The following MKRN1 variants were observed in gnomAD, a reference collection of about 807,000 sequenced individuals.
The protein encoded by MKRN1 is E3 ubiquitin-protein ligase makorin-1.
In MKRN1, 9 loss-of-function variants were observed where a neutral mutation model predicts 55.5. That is an observed-to-expected ratio of 0.16 (90% CI 0.10 to 0.28). The LOEUF (loss-of-function observed/expected upper bound fraction) is 0.28, where lower values mean the gene tolerates loss of function less well. MKRN1 is among the 10% of genes least tolerant of loss of function. The pLI is 1.00. For missense variants in MKRN1, 488 were observed against 626.7 expected, an observed-to-expected ratio of 0.78 and a Z score of 2.36; for synonymous variants, 253 against 235.9, an observed-to-expected ratio of 1.07 and a Z score of -0.66.
intron 1 of MKRN1, among the ~76,000 whole-genome samples, chr7:140,473,015 G>T (rs991992972): frequency 3.3e-5 from 5 of 151,510 alleles, no homozygotes; most frequent in African/African-American, 1.2e-4. Flanking sequence ...TACTCGGGAG[G>T]CTGAGGCAGG....
Position 140,479,155 on chromosome 7 carries a change from C to A in MKRN1, c.185+5G>T. ...CGCCCGGCGCTCCGCCGCGCAACGT[C>A]CTACCTGCAGGTGACCTGTTTAGTC... On this transcript the variant is annotated splice_donor_5th_base_variant and intron_variant, in intron 1 of 7. Transcript: ENST00000255977. 1 of 1,384,154 alleles carries A rather than the reference C, an allele frequency of 7.2e-7. No individual in the cohort carries two copies. Among genetic ancestry groups the A allele is most frequent in the Non-Finnish European group, 9.3e-7 (1 of 1,070,504 alleles). The allele number at this position is 1,384,154 out of a possible 1,614,324, so 85.7% of individuals were successfully genotyped here.
chr7:140,462,622 G>A (rs1332920792), intron 2 of MKRN1, among the ~76,000 whole-genome samples: 1 of 151,388 alleles, frequency 6.6e-6, no homozygotes, highest in African/African-American at 2.4e-5. Flanking sequence ...TGAGCTCAGG[G>A]GTTAGAGACA....
Position 140,453,551 on chromosome 7 carries a change from CT to C in MKRN1, c.*965del, listed in dbSNP as rs1341769359. On this transcript the variant is annotated 3_prime_UTR_variant, in exon 8 of 8. Coordinates refer to ENST00000255977, the MANE Select transcript of MKRN1 (RefSeq NM_013446.4). ...CTAGATCGTAAAACATTAAATACAA[CT>C]GTGTATCCAAGACCCAGTTTGTGTT... 3 of 152,620 alleles carry C rather than the reference CT, an allele frequency of 2.0e-5. No individual in the cohort carries two copies. Among genetic ancestry groups the C allele is most frequent in the Non-Finnish European group, 2.9e-5 (2 of 68,038 alleles). The allele number at this position is 152,620 out of a possible 1,614,324, so 9.5% of individuals were successfully genotyped here.
intron 1 of MKRN1, among the ~76,000 whole-genome samples, chr7:140,474,714 CTTCT>C (rs1398740817): frequency 8.3e-5 from 12 of 144,106 alleles, no homozygotes; most frequent in East Asian, 5.9e-4. Flanking sequence ...GAAGGATTTC[CTTCT>C]TTCTTTTTTT....
Position 140,459,973 on chromosome 7 carries a change from G to A in MKRN1, c.315-37C>T, listed in dbSNP as rs188671896. On this transcript the variant is annotated intron_variant, in intron 2 of 7. Coordinates refer to ENST00000255977, the MANE Select transcript of MKRN1 (RefSeq NM_013446.4). ...TTCAAAAGTAAGCAGTCGGCCAGTC[G>A]TGGTGGCTCAAGCCTGTAATCCCAA... 1.2e-5 allele frequency: 18 copies of A among 1,557,916 alleles called. No individual in the cohort carries two copies. The South Asian group carries it at 1.3e-4, about 12-fold the overall frequency.
intron 2 of MKRN1, among the ~76,000 whole-genome samples, chr7:140,464,431 C>A (rs969931831): frequency 4.0e-5 from 6 of 151,642 alleles, no homozygotes; most frequent in Non-Finnish European, 8.8e-5. Flanking sequence ...AAGCCAGGCA[C>A]GGTGGCTCAC....
chr7:140,477,705 G>T (rs982699922), intron 1 of MKRN1, among the ~76,000 whole-genome samples: 1 of 152,128 alleles, frequency 6.6e-6, no homozygotes, highest in African/African-American at 2.4e-5. Flanking sequence ...CGATCCGCCC[G>T]CCTCAGCCTC....
At position 140,471,984 on chromosome 7, in the gene MKRN1, T is replaced by C. The variant is rs142729794; in HGVS notation, c.213A>G (p.Glu71=). The change falls in exon 2 of 8, where the codon GAA becomes GAG. Residue 71 remains glutamate (E), a synonymous_variant. Coordinates refer to ENST00000255977, the MANE Select transcript of MKRN1 (RefSeq NM_013446.4). ...CATGCGAGTAGCGACAGTTGTCTCCTTCCTTACAAACCCCATGCATAAAAT... is the reference window on the plus strand; with the variant it reads ...CATGCGAGTAGCGACAGTTGTCTCCCTCCTTACAAACCCCATGCATAAAAT... The part of the protein sequence containing the change: ...CRYFMHGVCK[E]GDNCRYSHDL... The C allele has an allele frequency of 1.2e-6, 2 of 1,614,034 alleles. No individual in the cohort carries two copies. Among genetic ancestry groups the C allele is most frequent in the African/African-American group, 1.3e-5 (1 of 74,930 alleles).
chr7:140,472,679 C>T (rs770070817), intron 1 of MKRN1, among the ~76,000 whole-genome samples: 35 of 151,494 alleles, frequency 2.3e-4, no homozygotes, highest in Non-Finnish European at 3.1e-4. Flanking sequence ...TGAGCCACTG[C>T]GCCTGGCCCT....
intron 2 of MKRN1, among the ~76,000 whole-genome samples, chr7:140,467,593 G>C (rs1208045252): frequency 6.6e-6 from 1 of 152,100 alleles, no homozygotes; most frequent in Non-Finnish European, 1.5e-5. Context: ...TCAACTTGGA[G>C]CCATCTGCAT....
At chr7:140,470,132 A>G (rs1794882871) in intron 2 of MKRN1, among the ~76,000 whole-genome samples, 1 of 151,282 alleles carries the variant, frequency 6.6e-6, no homozygotes, top group Non-Finnish European at 1.5e-5. Context: ...AAGGCAGGAG[A>G]ATCTCTCGAA....
chr7:140,462,344 T>C (rs1364792879), intron 2 of MKRN1, among the ~76,000 whole-genome samples: 1 of 152,242 alleles, frequency 6.6e-6, no homozygotes. Context: ...TCAGATGCTA[T>C]GTATTAATTA....
Position 140,468,359 on chromosome 7 carries a change from G to C in MKRN1, c.314+3524C>G, listed in dbSNP as rs573216217. Among the ~76,000 whole-genome samples the C allele has an allele frequency of 2.0e-4, 30 of 152,196 alleles. No homozygotes were observed. In the South Asian group the frequency reaches 6.0e-3, roughly 30 times the overall value. On this transcript the variant is annotated intron_variant, in intron 2 of 7. Transcript: ENST00000255977. Reference sequence around the variant, plus strand: ...AGATTCGTCCATTCACCATTGCAGTGTGAAGTTCTCATGACTCTGCCTTTT... The same window carrying C: ...AGATTCGTCCATTCACCATTGCAGTCTGAAGTTCTCATGACTCTGCCTTTT...
At chr7:140,471,776 T>C in intron 2 of MKRN1, 107 bp downstream of exon 2, 1 of 1,459,884 alleles carries the variant, frequency 6.8e-7, no homozygotes, top group Non-Finnish European at 9.2e-7. Context: ...CCAAGAGTCA[T>C]TTTCAAAGCA....
rs770042700 is a variant in MKRN1, at chr7:140,471,970, C to T, written c.227G>A (p.Arg76His). The T allele has an allele frequency of 6.2e-6, 10 of 1,614,148 alleles. No individual in the cohort carries two copies. The highest frequency in any genetic ancestry group is 2.2e-5 in the East Asian group (1 of 44,882). Residue 76 changes from arginine to histidine, a missense_variant, in exon 2 of 8, where the codon CGC (arginine) becomes CAC (histidine). Physicochemically the swap from Arg to His is conservative, Grantham distance 29. Transcript: ENST00000255977. Reference sequence around the variant, plus strand: ...ACTGTCAGAGAGGTCATGCGAGTAGCGACAGTTGTCTCCTTCCTTACAAAC... The same window carrying T: ...ACTGTCAGAGAGGTCATGCGAGTAGTGACAGTTGTCTCCTTCCTTACAAAC... The part of the protein sequence containing the change: ...HGVCKEGDNC[R>H]YSHDLSDSPY...
chr7:140,472,264 G>A (rs1169017874), intron 1 of MKRN1: 7 of 408,340 alleles, frequency 1.7e-5, no homozygotes, highest in East Asian at 1.0e-4. Context: ...GTGAAACCCC[G>A]TCTCTACTAA....
At position 140,469,313 on chromosome 7, in the gene MKRN1, G is replaced by A. The variant is rs182611244; in HGVS notation, c.314+2570C>T. Among the ~76,000 whole-genome samples, 5 of 149,408 alleles carry A rather than the reference G, an allele frequency of 3.3e-5. No individual in the cohort carries two copies. The East Asian group carries it at 9.8e-4, about 29-fold the overall frequency. On this transcript the variant is annotated intron_variant, in intron 2 of 7. Transcript: ENST00000255977. ...CGCACTCCAGCCTGGGTGACAGCGA[G>A]ACTCCATCTCAAAAAAAAAAAAAAA...
At chr7:140,465,924 C>CA (rs1193373598) in intron 2 of MKRN1, among the ~76,000 whole-genome samples, 2 of 151,834 alleles carry the variant, frequency 1.3e-5, no homozygotes, top group East Asian at 3.9e-4. Flanking sequence ...TACTAAAATA[C>CA]AAAAAAATTA....
intron 5 of MKRN1, chr7:140,456,353 A>C (rs1794465135): frequency 7.9e-7 from 1 of 1,269,330 alleles, no homozygotes; most frequent in Non-Finnish European, 1.0e-6. Flanking sequence ...ATACATTCAG[A>C]GCTAGATCAG....
Sources: gnomAD v4.1 joint callset for allele counts (sites outside exome capture counted in the v4.1 genomes callset) on GRCh38, gnomAD v4.1.1 for gene constraint, MANE v1.5 for transcripts, NCBI Gene and HGNC (gene_info 2026-07-23, HGNC 2026-07-21) for gene names.